PALD1: variants seen among roughly 807,000 people sequenced by gnomAD.
The protein encoded by PALD1 is paladin.
Under a neutral mutation model 96.0 loss-of-function variants are expected in PALD1, and 57 were observed. That is an observed-to-expected ratio of 0.59 (90% CI 0.48 to 0.74). The LOEUF is 0.74. PALD1 is among the 30% of genes least tolerant of loss of function. The pLI is 0.00. For synonymous variants in PALD1, 464 were observed against 473.6 expected (o/e 0.98, Z 0.26); for missense variants, 1,063 against 1,143.7 (o/e 0.93, Z 1.02).
At chr10:70,543,970 A>G (rs1005173590) in intron 17 of PALD1, among the ~76,000 whole-genome samples, 4 of 152,200 alleles carry the variant, frequency 2.6e-5, no homozygotes, top group Non-Finnish European at 5.9e-5. Flanking sequence ...CCTGTGTTCC[A>G]AAGTTACATC....
chr10:70,458,761 G>T, the PALD1 span, among the ~76,000 whole-genome samples: 2 of 152,204 alleles, frequency 1.3e-5, no homozygotes, highest in African/African-American at 4.8e-5. Flanking sequence ...TGCCCTCAGC[G>T]GGATGTGTCC....
In PALD1 at chr10:70,482,752, T is replaced by C. The variant is rs1016527070; in HGVS notation, c.-30+3693T>C. On this transcript the variant is annotated intron_variant, in intron 1 of 19. Coordinates refer to ENST00000263563, the MANE Select transcript of PALD1 (RefSeq NM_014431.3). The stretch of plus-strand genomic sequence containing the variant: ...CAGGGCAAGAAACTTAACCTCTCTG[T>C]GCCTCAAGTCCCTTGTGTAACAGGG... Among the ~76,000 whole-genome samples, 28 of 152,146 alleles carry C rather than the reference T, an allele frequency of 1.8e-4. 1 individual carries two copies. The highest frequency in any genetic ancestry group is 5.8e-4 in the African/African-American group (24 of 41,432).
At chr10:70,468,141 G>A in the PALD1 span, among the ~76,000 whole-genome samples, 3 of 152,178 alleles carry the variant, frequency 2.0e-5, no homozygotes, top group Non-Finnish European at 4.4e-5. Context: ...GCCTGGTCAG[G>A]GGACTTGATC....
At chr10:70,546,577 A>G (rs1847368621) in intron 17 of PALD1, among the ~76,000 whole-genome samples, 1 of 152,190 alleles carries the variant, frequency 6.6e-6, no homozygotes, top group Admixed American at 6.5e-5. Context: ...CAAGACATTA[A>G]GTTGTGGATT....
At chr10:70,500,468 C>T (rs911325364) in intron 1 of PALD1, among the ~76,000 whole-genome samples, 6 of 152,206 alleles carry the variant, frequency 3.9e-5, no homozygotes, top group African/African-American at 1.4e-4. Context: ...TCACAAGCAC[C>T]TTAATTCTTC....
At chr10:70,548,300 A>C (rs11592983) in intron 18 of PALD1, among the ~76,000 whole-genome samples, 33,937 of 145,506 alleles carry the variant, frequency 0.23, 4,379 homozygotes, top group Non-Finnish European at 0.27. Flanking sequence ...GAGACTCCTC[A>C]AAAAAAAAAA....
rs561960205 is a variant in PALD1 at position 70,497,022 on chromosome 10, C to T, written c.-30+17963C>T. On this transcript the variant is annotated intron_variant, in intron 1 of 19. Transcript: ENST00000263563. ...TCTGGAGGGCCATATTTCCAAGTCT[C>T]GTTTCACTGGGCGTGCCCACGAAGC... Among the ~76,000 whole-genome samples the T allele has an allele frequency of 2.9e-3, 442 of 152,216 alleles. 2 individuals carry two copies. Among genetic ancestry groups the T allele is most frequent in the Non-Finnish European group, 5.0e-3 (343 of 68,008 alleles).
intron 2 of PALD1, among the ~76,000 whole-genome samples, chr10:70,528,148 T>C (rs1327846026): frequency 6.6e-6 from 1 of 151,772 alleles, no homozygotes; most frequent in African/African-American, 2.4e-5. Context: ...CCATGGTGTA[T>C]ATGAAGGCAC....
At chr10:70,508,861 G>T (rs1363268910) in intron 1 of PALD1, among the ~76,000 whole-genome samples, 6 of 146,916 alleles carry the variant, frequency 4.1e-5, no homozygotes, top group Admixed American at 3.4e-4. Context: ...GTGTGTGCAG[G>T]CCTGTGGGAG....
chr10:70,564,106 A>G (rs574271781), intron 18 of PALD1, among the ~76,000 whole-genome samples: 2 of 152,304 alleles, frequency 1.3e-5, no homozygotes, highest in African/African-American at 4.8e-5. Flanking sequence ...AGAACAGGAC[A>G]GTGGTTATGA....
At position 70,566,660 on chromosome 10, in the gene PALD1, T is replaced by C. The variant is rs1847862530; in HGVS notation, c.2498T>C (p.Phe833Ser). The change falls in exon 20 of 20, where the codon TTC becomes TCC. Residue 833 changes from phenylalanine (F) to serine (S), a missense_variant. Transcript: ENST00000263563. ...PELESGEDQP[F>S]SRLRYRWQEQ... ...CTGGAGAGCGGGGAGGACCAGCCCT[T>C]CTCCAGGCTGCGCTACCGGTGGCAG... is the stretch of plus-strand genomic sequence containing the variant. 1 of 1,609,500 alleles carries C rather than the reference T, an allele frequency of 6.2e-7. No homozygotes were observed. The highest frequency in any genetic ancestry group is 8.5e-7 in the Non-Finnish European group (1 of 1,178,866).
At chr10:70,520,712 G>T (rs1294923536) in intron 1 of PALD1, among the ~76,000 whole-genome samples, 9 of 108,618 alleles carry the variant, frequency 8.3e-5, no homozygotes, top group African/African-American at 3.3e-5. Flanking sequence ...TTTTTTTGCG[G>T]TGGAGTGTTG....
At chr10:70,493,140 A>G (rs1904593) in intron 1 of PALD1, among the ~76,000 whole-genome samples, 145,969 of 152,324 alleles carry the variant, frequency 0.96, 69,982 homozygotes, top group East Asian at 1. Flanking sequence ...CTTTTTTTGA[A>G]TCAGGGCCTT....
chr10:70,546,653 C>T (rs1271655996), intron 17 of PALD1, among the ~76,000 whole-genome samples: 1 of 152,196 alleles, frequency 6.6e-6, no homozygotes, highest in African/African-American at 2.4e-5. Flanking sequence ...TCTTAAAGAA[C>T]AATTTGCCTC....
chr10:70,470,419 C>T, the PALD1 span, among the ~76,000 whole-genome samples: 1 of 152,064 alleles, frequency 6.6e-6, no homozygotes, highest in Admixed American at 6.6e-5. Flanking sequence ...GTCTGCTCCC[C>T]TCTCCCAGAC....
intron 1 of PALD1, among the ~76,000 whole-genome samples, chr10:70,482,586 T>C (rs1401115248): frequency 6.6e-6 from 1 of 152,164 alleles, no homozygotes; most frequent in African/African-American, 2.4e-5. Flanking sequence ...GAGTTCCTTT[T>C]CCACTCAGGG....
intron 18 of PALD1, among the ~76,000 whole-genome samples, chr10:70,549,817 G>C (rs1265347533): frequency 6.6e-6 from 1 of 152,234 alleles, no homozygotes; most frequent in Admixed American, 6.5e-5. Context: ...GGTGGCTGGG[G>C]CTGTTAGAGG....
intron 18 of PALD1, among the ~76,000 whole-genome samples, chr10:70,562,034 C>T (rs920198443): frequency 3.9e-5 from 6 of 152,258 alleles, no homozygotes; most frequent in African/African-American, 1.4e-4. Context: ...TGGTCCCTCC[C>T]TGCTGGATGG....
intron 7 of PALD1, 24 bp downstream of exon 7, chr10:70,533,094 G>C (rs1013900228): frequency 1.9e-6 from 3 of 1,556,238 alleles, no homozygotes; most frequent in South Asian, 1.2e-5. Flanking sequence ...GGGCGCGCAT[G>C]GGGGAGGAGT....
Sources: allele counts gnomAD v4.1 joint callset (sites outside exome capture counted in the v4.1 genomes callset), GRCh38; gene constraint gnomAD v4.1.1; transcripts MANE v1.5; gene names NCBI Gene and HGNC (gene_info 2026-07-23, HGNC 2026-07-21).